The following NKAIN3 variants were observed in gnomAD, a reference collection of about 807,000 sequenced individuals.
NKAIN3 encodes sodium/potassium transporting ATPase interacting 3.
Under a neutral mutation model 30.2 loss-of-function variants are expected in NKAIN3, and 25 were observed. That is an observed-to-expected ratio of 0.83 (90% confidence interval 0.60 to 1.16). NKAIN3 has a LOEUF of 1.16. Among genes scored for constraint, NKAIN3 ranks in the 50% most tolerant of loss-of-function variants. The pLI, the probability that NKAIN3 is intolerant of heterozygous loss-of-function variation, is 0.00. For synonymous variants in NKAIN3, 91 were observed against 89.6 expected (o/e 1.02, Z -0.09); for missense variants, 225 against 254.1 (o/e 0.89, Z 0.78).
intron 1 of NKAIN3, among the ~76,000 whole-genome samples, chr8:62,536,502 T>G (rs1054696781): frequency 2.6e-5 from 4 of 152,034 alleles, no homozygotes; most frequent in Non-Finnish European, 5.9e-5. Context: ...AGATATTGTC[T>G]GTAGAAACTG....
In NKAIN3 at chr8:62,464,934, T is replaced by A. The variant is rs967716679; in HGVS notation, c.55-114605T>A. ...TGGGAGTATTATTTATAGGTGAAGA[T>A]AGAATTGGCATTTCAATGTACTGAG... On this transcript the variant is annotated intron_variant, in intron 1 of 6. Coordinates refer to ENST00000623646, the MANE Select transcript of NKAIN3 (RefSeq NM_001304533.3). Among the ~76,000 whole-genome samples the A allele has an allele frequency of 2.0e-5, 3 of 152,300 alleles. No homozygotes were observed. The East Asian group carries it at 5.8e-4, about 29-fold the overall frequency.
intron 1 of NKAIN3, among the ~76,000 whole-genome samples, chr8:62,420,422 G>A (rs762717379): frequency 6.6e-5 from 10 of 152,168 alleles, no homozygotes; most frequent in South Asian, 2.1e-4. Context: ...AATGTAATTG[G>A]TATTTCCGTG....
chr8:62,876,041 A>G (rs1820784908), intron 4 of NKAIN3, among the ~76,000 whole-genome samples: 1 of 152,238 alleles, frequency 6.6e-6, no homozygotes, highest in Non-Finnish European at 1.5e-5. Flanking sequence ...TGAACAGGCA[A>G]CCTACAGATT....
intron 3 of NKAIN3, among the ~76,000 whole-genome samples, chr8:62,680,583 A>G (rs1813617325): frequency 6.6e-6 from 1 of 152,190 alleles, no homozygotes; most frequent in Non-Finnish European, 1.5e-5. Flanking sequence ...GTTATCAGAA[A>G]TGGGACAAAA....
chr8:62,502,821 T>C (rs1338420042), intron 1 of NKAIN3, among the ~76,000 whole-genome samples: 1 of 152,228 alleles, frequency 6.6e-6, no homozygotes, highest in Non-Finnish European at 1.5e-5. Flanking sequence ...AATTGGACTG[T>C]GAGGAAGTAA....
chr8:62,406,494 T>C (rs1010025848), intron 1 of NKAIN3, among the ~76,000 whole-genome samples: 2 of 152,200 alleles, frequency 1.3e-5, no homozygotes, highest in Non-Finnish European at 2.9e-5. Flanking sequence ...TAAGATACTT[T>C]AGTCACTTTT....
intron 4 of NKAIN3, among the ~76,000 whole-genome samples, chr8:62,905,386 A>G (rs1171072054): frequency 1.3e-5 from 2 of 152,194 alleles, no homozygotes; most frequent in African/African-American, 4.8e-5. Context: ...GTTACTGAGT[A>G]CCTACCTCAA....
intron 1 of NKAIN3, among the ~76,000 whole-genome samples, chr8:62,397,970 A>G (rs1035845029): frequency 2.6e-5 from 4 of 152,296 alleles, no homozygotes; most frequent in Admixed American, 2.6e-4. Flanking sequence ...ATGGAATTCC[A>G]TCCTTATACA....
chr8:62,536,597 TG>T (rs1465974035), intron 1 of NKAIN3, among the ~76,000 whole-genome samples: 1 of 151,390 alleles, frequency 6.6e-6, no homozygotes, highest in Non-Finnish European at 1.5e-5. Context: ...TAGTAAGGCC[TG>T]AGGAAAACAT....
intron 3 of NKAIN3, among the ~76,000 whole-genome samples, chr8:62,740,031 G>T (rs1172998403): frequency 1.3e-5 from 2 of 152,052 alleles, no homozygotes; most frequent in African/African-American, 4.8e-5. Flanking sequence ...TATAATTTTT[G>T]ATATATTTGA....
At chr8:62,386,192 G>A (rs961987458) in intron 1 of NKAIN3, among the ~76,000 whole-genome samples, 2 of 152,190 alleles carry the variant, frequency 1.3e-5, no homozygotes, top group African/African-American at 2.4e-5. Context: ...TTGAAAGCAC[G>A]TGTGAGAAAG....
intron 5 of NKAIN3, among the ~76,000 whole-genome samples, chr8:62,948,751 A>G (rs1240396599): frequency 1.3e-5 from 2 of 152,224 alleles, no homozygotes; most frequent in African/African-American, 4.8e-5. Context: ...AACCAGAGGC[A>G]TTACTAATGT....
intron 4 of NKAIN3, among the ~76,000 whole-genome samples, chr8:62,877,337 A>G (rs555477249): frequency 3.0e-4 from 45 of 152,368 alleles, no homozygotes; most frequent in African/African-American, 9.6e-4. Context: ...GGGCAGCCCA[A>G]TTAGGCGGCC....
intron 4 of NKAIN3, among the ~76,000 whole-genome samples, chr8:62,784,630 C>CCAA (rs1423886592): frequency 6.6e-6 from 1 of 151,702 alleles, no homozygotes; most frequent in East Asian, 1.9e-4. Flanking sequence ...TAAAAATCAC[C>CCAA]CAACAACAAC....
chr8:62,285,812 C>T (rs896166225), intron 1 of NKAIN3, among the ~76,000 whole-genome samples: 2 of 152,162 alleles, frequency 1.3e-5, no homozygotes, highest in Non-Finnish European at 2.9e-5. Flanking sequence ...AGTTTTTCTT[C>T]ACTTAAGATT....
chr8:62,604,715 CA>C (rs1466591550), intron 3 of NKAIN3, among the ~76,000 whole-genome samples: 2 of 151,904 alleles, frequency 1.3e-5, no homozygotes, highest in Non-Finnish European at 2.9e-5. Flanking sequence ...TGGGGAAGGA[CA>C]AAAGTTAATT....
chr8:62,914,053 T>C (rs1250943826), intron 4 of NKAIN3, among the ~76,000 whole-genome samples: 9 of 152,194 alleles, frequency 5.9e-5, no homozygotes, highest in African/African-American at 1.9e-4. Flanking sequence ...CCTATGTTTA[T>C]TGCTGCACTA....
chr8:62,780,882 C>T (rs577577164), intron 4 of NKAIN3, among the ~76,000 whole-genome samples: 2 of 152,004 alleles, frequency 1.3e-5, no homozygotes, highest in East Asian at 1.9e-4. Flanking sequence ...TGTAACAAGA[C>T]AAAGATGCCC....
chr8:62,623,786 T>C (rs1186428569), intron 3 of NKAIN3, among the ~76,000 whole-genome samples: 1 of 152,028 alleles, frequency 6.6e-6, no homozygotes, highest in African/African-American at 2.4e-5. Context: ...GAGGGATCTT[T>C]GGAGCTCACA....
Sources: gnomAD v4.1 joint callset for allele counts (sites outside exome capture counted in the v4.1 genomes callset) on GRCh38, gnomAD v4.1.1 for gene constraint, MANE v1.5 for transcripts, NCBI Gene and HGNC (gene_info 2026-07-23, HGNC 2026-07-21) for gene names.